NRG1: variants seen among roughly 807,000 people sequenced by gnomAD.
The protein encoded by NRG1 is pro-neuregulin-1, membrane-bound isoform.
Under a neutral mutation model 63.8 loss-of-function variants are expected in NRG1, and 18 were observed. That is an observed-to-expected ratio of 0.28 (90% confidence interval 0.19 to 0.42). The LOEUF is 0.42. Among genes scored for constraint, NRG1 ranks in the 10% least tolerant of loss-of-function variants. NRG1 has a pLI of 1.00. For missense variants in NRG1, 762 were observed against 814.7 expected (o/e 0.94, Z 0.79); for synonymous variants, 302 against 301.3 (o/e 1.00, Z -0.02).
chr8:32,179,923 G>A (rs1841254174), intron 1 of NRG1, among the ~76,000 whole-genome samples: 1 of 151,882 alleles, frequency 6.6e-6, no homozygotes, highest in African/African-American at 2.4e-5. Context: ...ACGAAGGTTT[G>A]AAGTCCAACA....
At chr8:31,757,972 T>C (rs1399875180) in intron 1 of NRG1, among the ~76,000 whole-genome samples, 1 of 152,090 alleles carries the variant, frequency 6.6e-6, no homozygotes, top group East Asian at 1.9e-4. Context: ...ACCACTGATT[T>C]CTGTCACTAT....
intron 1 of NRG1, among the ~76,000 whole-genome samples, chr8:32,375,084 G>C (rs185977828): frequency 6.6e-6 from 1 of 152,304 alleles, no homozygotes; most frequent in East Asian, 1.9e-4. Flanking sequence ...CCTGGCTCAA[G>C]TGATCCTCCC....
At position 32,616,725 on chromosome 8, in the gene NRG1, G is replaced by A. The variant is rs760826643; in HGVS notation, c.452-110G>A. The A allele has an allele frequency of 1.1e-4, 86 of 780,054 alleles. No individual in the cohort carries two copies. Among genetic ancestry groups the A allele is most frequent in the Middle Eastern group, 4.6e-4 (2 of 4,318 alleles). The allele number at this position is 780,054 out of a possible 1,614,324, so 48.3% of individuals were successfully genotyped here. A position where few individuals can be genotyped will look rare whatever the true frequency, so the allele number is the denominator to read the frequency against. On this transcript the variant is annotated intron_variant, in intron 4 of 11. Coordinates refer to ENST00000356819, the Ensembl canonical transcript of NRG1. ...AAATGCTTCAGCTTCTCTGTTGCACGGTGTTCTACTACTCTTTTACTAGGC... is the reference window on the plus strand; with the variant it reads ...AAATGCTTCAGCTTCTCTGTTGCACAGTGTTCTACTACTCTTTTACTAGGC...
At chr8:32,677,662 A>G (rs1304589227) in intron 5 of NRG1, among the ~76,000 whole-genome samples, 3 of 152,170 alleles carry the variant, frequency 2.0e-5, no homozygotes, top group Non-Finnish European at 2.9e-5. Context: ...GTCTCAAAAA[A>G]AAAGAAAAAA....
At chr8:31,798,651 T>A (rs1410713070) in intron 1 of NRG1, among the ~76,000 whole-genome samples, 1 of 152,218 alleles carries the variant, frequency 6.6e-6, no homozygotes, top group Non-Finnish European at 1.5e-5. Context: ...ATATGTGCAA[T>A]TTAAGTGTCA....
chr8:32,493,429 T>C (rs373768908), intron 1 of NRG1, among the ~76,000 whole-genome samples: 72 of 152,310 alleles, frequency 4.7e-4, no homozygotes, highest in Non-Finnish European at 9.1e-4. Context: ...ATATTTGTCG[T>C]TGAATTATTT....
chr8:31,950,078 G>A (rs888947426), intron 1 of NRG1, among the ~76,000 whole-genome samples: 3 of 152,126 alleles, frequency 2.0e-5, no homozygotes, highest in Non-Finnish European at 2.9e-5. Flanking sequence ...TACATGTTTA[G>A]TGTATGAAGA....
At chr8:31,793,954 T>C (rs1290051203) in intron 1 of NRG1, among the ~76,000 whole-genome samples, 1 of 152,120 alleles carries the variant, frequency 6.6e-6, no homozygotes, top group Admixed American at 6.6e-5. Context: ...TCCTTCTTTC[T>C]TTCATTTTCT....
At chr8:32,445,855 G>C (rs1471791592) in intron 1 of NRG1, among the ~76,000 whole-genome samples, 1 of 152,024 alleles carries the variant, frequency 6.6e-6, no homozygotes, top group African/African-American at 2.4e-5. Context: ...AAGATCACTA[G>C]GCAGGAGAGA....
chr8:32,195,988 C>T (rs751382277), intron 1 of NRG1, among the ~76,000 whole-genome samples: 75 of 152,212 alleles, frequency 4.9e-4, no homozygotes, highest in Non-Finnish European at 7.9e-4. Context: ...TTTGCCATTA[C>T]TTTTAAATGT....
chr8:32,365,498 G>A (rs1023882832), intron 1 of NRG1, among the ~76,000 whole-genome samples: 1 of 151,624 alleles, frequency 6.6e-6, no homozygotes, highest in African/African-American at 2.4e-5. Flanking sequence ...ATACTTTTAT[G>A]GGTTCTTTTT....
intron 1 of NRG1, among the ~76,000 whole-genome samples, chr8:31,689,148 C>T (rs1809221935): frequency 1.3e-5 from 2 of 152,154 alleles, no homozygotes. Context: ...GGATAATTTC[C>T]TTGTTTTAAG....
At chr8:32,142,501 A>T (rs1437709739) in intron 1 of NRG1, among the ~76,000 whole-genome samples, 1 of 152,210 alleles carries the variant, frequency 6.6e-6, no homozygotes, top group Non-Finnish European at 1.5e-5. Context: ...GGCCAAATCT[A>T]CAAGCATTAG....
intron 1 of NRG1, among the ~76,000 whole-genome samples, chr8:31,742,824 C>A (rs1005561419): frequency 6.6e-6 from 1 of 151,930 alleles, no homozygotes; most frequent in African/African-American, 2.4e-5. Flanking sequence ...GGGGCTTGCA[C>A]ATGTGGGACA....
chr8:32,521,778 A>T (rs563057229), intron 1 of NRG1, among the ~76,000 whole-genome samples: 35 of 152,330 alleles, frequency 2.3e-4, no homozygotes, highest in African/African-American at 6.3e-4. Flanking sequence ...TTTTTGAAGA[A>T]GATACAGCTT....
chr8:32,220,402 C>T (rs1353534600), intron 1 of NRG1, among the ~76,000 whole-genome samples: 1 of 152,026 alleles, frequency 6.6e-6, no homozygotes, highest in Non-Finnish European at 1.5e-5. Context: ...ACCTTGACAG[C>T]CTGCATAATA....
At chr8:31,720,276 A>G (rs1812775661) in intron 1 of NRG1, among the ~76,000 whole-genome samples, 1 of 152,064 alleles carries the variant, frequency 6.6e-6, no homozygotes, top group Non-Finnish European at 1.5e-5. Flanking sequence ...CATAATATAC[A>G]TTTTTGAGTA....
chr8:31,989,634 A>G (rs912657177), intron 1 of NRG1, among the ~76,000 whole-genome samples: 3 of 152,038 alleles, frequency 2.0e-5, no homozygotes, highest in Non-Finnish European at 4.4e-5. Flanking sequence ...TTATTTCTCA[A>G]TGAAAAAATA....
chr8:32,626,274 A>G (rs751752737), intron 5 of NRG1, among the ~76,000 whole-genome samples: 3 of 150,112 alleles, frequency 2.0e-5, no homozygotes, highest in Non-Finnish European at 4.4e-5. Context: ...CAAAGTAAAA[A>G]GTTTAATTGT....
Sources: allele counts gnomAD v4.1 joint callset (sites outside exome capture counted in the v4.1 genomes callset), GRCh38; gene constraint gnomAD v4.1.1; transcripts MANE v1.5; gene names NCBI Gene and HGNC (gene_info 2026-07-23, HGNC 2026-07-21).